The following PLEKHB2 variants were observed in gnomAD, a reference collection of about 807,000 sequenced individuals.
The protein encoded by PLEKHB2 is pleckstrin homology domain containing B2.
Under a neutral mutation model 36.5 loss-of-function variants are expected in PLEKHB2, and 31 were observed. That is an observed-to-expected ratio of 0.85 (90% CI 0.64 to 1.15). The LOEUF is 1.15. PLEKHB2 is among the 50% of genes most tolerant of loss of function. The pLI, the probability that PLEKHB2 is intolerant of heterozygous loss-of-function variation, is 0.00. For missense variants in PLEKHB2, 262 were observed against 295.3 expected (o/e 0.89, Z 0.83); for synonymous variants, 119 against 112.0 (o/e 1.06, Z -0.39).
intron 5 of PLEKHB2, among the ~76,000 whole-genome samples, chr2:131,131,730 C>T (rs1013598325): frequency 6.6e-6 from 1 of 150,542 alleles, no homozygotes; most frequent in Non-Finnish European, 1.5e-5. Context: ...TCTACAGCCG[C>T]AGTTACCTTT....
At chr2:131,145,907 G>A (rs1699238155) in intron 7 of PLEKHB2, among the ~76,000 whole-genome samples, 1 of 152,148 alleles carries the variant, frequency 6.6e-6, no homozygotes, top group Admixed American at 6.5e-5. Flanking sequence ...GCCGGGCCGG[G>A]CGTGGTGGCT....
At chr2:131,126,905 C>A in intron 4 of PLEKHB2, 119 bp downstream of exon 4, 1 of 637,634 alleles carries the variant, frequency 1.6e-6, no homozygotes, top group South Asian at 1.9e-5. Context: ...ATAAGGGACT[C>A]AGTGGATGTA....
intron 1 of PLEKHB2, among the ~76,000 whole-genome samples, chr2:131,119,299 C>G (rs560153671): frequency 8.5e-4 from 129 of 152,190 alleles, no homozygotes; most frequent in African/African-American, 3.0e-3. Context: ...TCAAACAGTA[C>G]AGAAAGGGGT....
chr2:131,125,449 G>A (rs1696993639), intron 2 of PLEKHB2, among the ~76,000 whole-genome samples: 1 of 152,198 alleles, frequency 6.6e-6, no homozygotes, highest in Non-Finnish European at 1.5e-5. Context: ...CTATACAGGT[G>A]TAATTAAGGG....
At position 131,140,198 on chromosome 2, in the gene PLEKHB2, C is replaced by T. The variant is rs762177325; in HGVS notation, c.455C>T (p.Ala152Val). The change falls in exon 7 of 8, where the codon GCG becomes GTG. Residue 152 changes from alanine to valine, a missense_variant. Coordinates refer to ENST00000693505, the MANE Select transcript of PLEKHB2 (RefSeq NM_001100623.2). ...TATGGCTATGGGCCATACGGTGGTG[C>T]GTACCCGCCAGGAACTCAAGTTGTC... ...QAYGYGPYGG[A>V]YPPGTQVVYA... is the part of the protein sequence containing the mutation. 15 of 1,612,898 alleles carry T rather than the reference C, an allele frequency of 9.3e-6. No individual in the cohort carries two copies. The highest frequency in any genetic ancestry group is 4.5e-5 in the East Asian group (2 of 44,876).
intron 1 of PLEKHB2, among the ~76,000 whole-genome samples, chr2:131,111,880 C>T (rs1695373439): frequency 6.6e-6 from 1 of 152,098 alleles, no homozygotes; most frequent in Non-Finnish European, 1.5e-5. Flanking sequence ...TTTCTTTAAT[C>T]TCTATCTTTT....
rs541464125 is a variant in PLEKHB2 at position 131,112,453 on chromosome 2, A to G, written c.-9+7055A>G. Among the ~76,000 whole-genome samples, 20 of 152,316 alleles carry G rather than the reference A, an allele frequency of 1.3e-4. 1 individual carries two copies. The highest frequency in any genetic ancestry group is 4.8e-4 in the African/African-American group (20 of 41,570). ...TTAATCAAACACAGGGAGATGGGGGAATTCTAATAGACCTAAAGAAAGAAA... is the reference window on the plus strand; with the variant it reads ...TTAATCAAACACAGGGAGATGGGGGGATTCTAATAGACCTAAAGAAAGAAA... On this transcript the variant is annotated intron_variant, in intron 1 of 7. Transcript: ENST00000693505.
At chr2:131,106,630 G>T (rs1018232740) in intron 1 of PLEKHB2, among the ~76,000 whole-genome samples, 1 of 152,088 alleles carries the variant, frequency 6.6e-6, no homozygotes, top group Admixed American at 6.6e-5. Context: ...TGTTCCCTAG[G>T]TTCAGAAAGT....
At chr2:131,121,072 C>A in intron 2 of PLEKHB2, 94 bp downstream of exon 2, 1 of 1,290,790 alleles carries the variant, frequency 7.7e-7, no homozygotes, top group Non-Finnish European at 1.1e-6. Flanking sequence ...AAGCAAATAA[C>A]AAAGTTTTAT....
chr2:131,125,838 G>C lies in PLEKHB2; in HGVS notation c.123G>C (p.Gln41His). The stretch of plus-strand genomic sequence containing the variant: ...TCTATTATGATGACCAGACTCGGCA[G>C]AATATCGAGGATAAGGTCCACATGC... ...HLIYYDDQTR[Q>H]NIEDKVHMPM... Residue 41 changes from glutamine (Q) to histidine (H), a missense_variant, in exon 3 of 8, where the codon CAG becomes CAC. By Grantham distance (24) the Gln-to-His change is conservative. Transcript: ENST00000693505. 4 of 1,613,744 alleles carry C rather than the reference G, an allele frequency of 2.5e-6. No homozygotes were observed. Among genetic ancestry groups the C allele is most frequent in the Non-Finnish European group, 3.4e-6 (4 of 1,179,786 alleles).
At chr2:131,111,952 A>T (rs910355273) in intron 1 of PLEKHB2, among the ~76,000 whole-genome samples, 2 of 151,876 alleles carry the variant, frequency 1.3e-5, no homozygotes, top group African/African-American at 4.8e-5. Flanking sequence ...TTTGTCTTTG[A>T]CCTCATTTCC....
Position 131,125,835 on chromosome 2 carries a change from G to A in PLEKHB2, c.120G>A (p.Arg40=), listed in dbSNP as rs1384974816. ...GHLIYYDDQT[R]QNIEDKVHMP... ...TGATCTATTATGATGACCAGACTCG[G>A]CAGAATATCGAGGATAAGGTCCACA... The change falls in exon 3 of 8, where the codon CGG becomes CGA. Residue 40 remains arginine, a synonymous_variant. Transcript: ENST00000693505. 1 of 1,613,628 alleles carries A rather than the reference G, an allele frequency of 6.2e-7. No individual in the cohort carries two copies. Among genetic ancestry groups the A allele is most frequent in the South Asian group, 1.1e-5 (1 of 91,060 alleles).
At position 131,143,435 on chromosome 2, in the gene PLEKHB2, C is replaced by T. The variant is rs548225105; in HGVS notation, c.532+3160C>T. Among the ~76,000 whole-genome samples, 87 of 152,320 alleles carry T rather than the reference C, an allele frequency of 5.7e-4. 3 individuals carry two copies. The South Asian group carries it at 0.017, about 30-fold the overall frequency. ...TATCATGTCTAATCTTTTATCTCTA[C>T]CTCAGCCTCCTTTCTCTACCTCTGG... is the stretch of plus-strand genomic sequence containing the variant. On this transcript the variant is annotated intron_variant, in intron 7 of 7. Transcript: ENST00000693505.
At chr2:131,109,773 C>G (rs1695106590) in intron 1 of PLEKHB2, among the ~76,000 whole-genome samples, 1 of 152,140 alleles carries the variant, frequency 6.6e-6, no homozygotes, top group East Asian at 1.9e-4. Context: ...TGTCCACCCC[C>G]TTTTTAAACT....
intron 5 of PLEKHB2, 102 bp from the exon 6 acceptor site, chr2:131,132,800 T>G (rs567488347): frequency 2.8e-6 from 2 of 707,856 alleles, no homozygotes; most frequent in South Asian, 3.9e-5. Flanking sequence ...TCTTTTTGTT[T>G]TTTTAAATTT....
chr2:131,107,555 C>A (rs576272213), intron 1 of PLEKHB2: 1 of 152,162 alleles, frequency 6.6e-6, no homozygotes, highest in African/African-American at 2.4e-5. Flanking sequence ...ACTTTTATAG[C>A]GAAAGAGAGC....
chr2:131,109,916 C>T (rs2104767716), intron 1 of PLEKHB2, among the ~76,000 whole-genome samples: 1 of 152,002 alleles, frequency 6.6e-6, no homozygotes, highest in Non-Finnish European at 1.5e-5. Context: ...AGATCGAGAC[C>T]ATCCTGGCTG....
chr2:131,144,777 A>G (rs1261915900), intron 7 of PLEKHB2, among the ~76,000 whole-genome samples: 1 of 152,238 alleles, frequency 6.6e-6, no homozygotes, highest in African/African-American at 2.4e-5. Flanking sequence ...TCCTGCAGCC[A>G]GGGGACCTCA....
intron 1 of PLEKHB2, among the ~76,000 whole-genome samples, chr2:131,112,755 G>C (rs1210831262): frequency 6.6e-6 from 1 of 152,078 alleles, no homozygotes; most frequent in Non-Finnish European, 1.5e-5. Flanking sequence ...TAATTTATCA[G>C]CTTGTCTGGA....
Sources: gnomAD v4.1 joint callset for allele counts (sites outside exome capture counted in the v4.1 genomes callset) on GRCh38, gnomAD v4.1.1 for gene constraint, MANE v1.5 for transcripts, NCBI Gene and HGNC (gene_info 2026-07-23, HGNC 2026-07-21) for gene names.